PTPRS: variants seen among roughly 807,000 people sequenced by gnomAD.
PTPRS encodes the protein protein tyrosine phosphatase receptor type S, also known as receptor-type tyrosine-protein phosphatase S.
In PTPRS, 63 loss-of-function variants were observed where a neutral mutation model predicts 215.3. The observed-to-expected ratio is 0.29, with a 90% CI of 0.24 to 0.36. The LOEUF is 0.36. PTPRS is among the 10% of genes least tolerant of loss of function. The pLI is 1.00. For synonymous variants in PTPRS, 1,404 were observed against 1,191.4 expected, an observed-to-expected ratio of 1.18 and a Z score of -3.68; for missense variants, 2,258 against 2,825.8, an observed-to-expected ratio of 0.80 and a Z score of 4.56.
At chr19:5,300,910 A>T (rs1192210922) in intron 1 of PTPRS, among the ~76,000 whole-genome samples, 1 of 152,228 alleles carries the variant, frequency 6.6e-6, no homozygotes, top group Admixed American at 6.5e-5. Flanking sequence ...GGTGCTGGCC[A>T]ATAGCACAGA....
Position 5,281,418 on chromosome 19 carries a change from G to A in PTPRS, c.91+4632C>T, listed in dbSNP as rs544285839. Among the ~76,000 whole-genome samples, 9 of 152,222 alleles carry A rather than the reference G, an allele frequency of 5.9e-5. No homozygotes were observed. In the East Asian group the frequency reaches 1.4e-3, roughly 23 times the overall value. ...AGAGGTTGCAGTGAGCTGAGATCAC[G>A]CCATTGCACTCCAGCCTGGGGGACA... On this transcript the variant is annotated intron_variant, in intron 2 of 37. Transcript: ENST00000262963.
chr19:5,207,877 C>A, intron 37 of PTPRS, 45 bp downstream of exon 37: 1 of 1,601,942 alleles, frequency 6.2e-7, no homozygotes, highest in Non-Finnish European at 8.5e-7. Context: ...TAGGGGCAGT[C>A]GGGGCGTGAG....
rs1470675122 is a variant in PTPRS, at chr19:5,293,729, CCT to C, written c.-94-7497_-94-7496del. On this transcript the variant is annotated intron_variant, in intron 1 of 37. Coordinates refer to ENST00000262963, the MANE Select transcript of PTPRS (RefSeq NM_002850.4). This position sits in a 1 kb window ranked among gnomAD's most constrained non-coding sequence, Gnocchi z 8.4. ...GGGGCGGGGGGCGTCCCCTCTTCCC[CCT>C]CTTAGACCAGAGGGTAGGGGAGAGG... Among the ~76,000 whole-genome samples the C allele has an allele frequency of 2.0e-5, 3 of 152,112 alleles. No individual in the cohort carries two copies. Among genetic ancestry groups the C allele is most frequent in the African/African-American group, 7.2e-5 (3 of 41,430 alleles).
intron 35 of PTPRS, among the ~76,000 whole-genome samples, chr19:5,209,331 T>C (rs2040650280): frequency 6.6e-6 from 1 of 152,060 alleles, no homozygotes; most frequent in African/African-American, 2.4e-5. Flanking sequence ...CATCCATCAC[T>C]AACAATTCAT....
intron 9 of PTPRS, among the ~76,000 whole-genome samples, chr19:5,252,448 G>A (rs1272159872): frequency 6.6e-6 from 1 of 151,840 alleles, no homozygotes; most frequent in African/African-American, 2.4e-5. Flanking sequence ...GTGGTGCCAG[G>A]TGCCTGTAAT....
Position 5,246,002 on chromosome 19 carries a change from G to C in PTPRS, c.762C>G (p.His254Gln). Residue 254 changes from histidine (H) to glutamine (Q), a missense_variant, in exon 10 of 38, where the codon CAC (histidine) becomes CAG (glutamine). Transcript: ENST00000262963. Reference sequence around the variant, plus strand: ...TCACGTTGCCCCCTGGCATGATCTCGTGGCTCATGGGCAGGATGGAGAAGC... The same window carrying C: ...TCACGTTGCCCCCTGGCATGATCTCCTGGCTCATGGGCAGGATGGAGAAGC... ...APRFSILPMS[H>Q]EIMPGGNVNI... is the part of the protein sequence containing the mutation. 2 of 1,582,958 alleles carry C rather than the reference G, an allele frequency of 1.3e-6. No homozygotes were observed. The highest frequency in any genetic ancestry group is 2.3e-5 in the South Asian group (2 of 87,624).
chr19:5,239,414 CAG>C (rs1294186991), intron 12 of PTPRS, among the ~76,000 whole-genome samples: 2 of 145,888 alleles, frequency 1.4e-5, no homozygotes, highest in Admixed American at 6.8e-5. Context: ...GAGATAGAGA[CAG>C]AGAAACAAAG....
rs1470467138 is a variant in PTPRS, at chr19:5,293,529, G to T, written c.-94-7295C>A. Among the ~76,000 whole-genome samples, 1 of 152,176 alleles carries T rather than the reference G, an allele frequency of 6.6e-6. No homozygotes were observed. The highest frequency in any genetic ancestry group is 2.4e-5 in the African/African-American group (1 of 41,450). ...CTCCCTCCCGAAGACGTCTCACGGG[G>T]AGCCTCTACACTGCTCCTCGCTTCC... On this transcript the variant is annotated intron_variant, in intron 1 of 37. Coordinates refer to ENST00000262963, the MANE Select transcript of PTPRS (RefSeq NM_002850.4). The surrounding 1 kb of genome is among the most constrained non-coding windows in gnomAD (Gnocchi z 8.4).
At chr19:5,224,773 A>G (rs1366044118) in intron 17 of PTPRS, among the ~76,000 whole-genome samples, 1 of 152,190 alleles carries the variant, frequency 6.6e-6, no homozygotes, top group African/African-American at 2.4e-5. Context: ...TGCTTGGAGG[A>G]GGTGGCGTTA....
intron 14 of PTPRS, among the ~76,000 whole-genome samples, chr19:5,230,963 T>C (rs948639641): frequency 6.6e-6 from 1 of 152,178 alleles, no homozygotes; most frequent in Non-Finnish European, 1.5e-5. Context: ...CCCGGGGAGC[T>C]GGTTAACCAT....
At chr19:5,281,772 G>C (rs573014204) in intron 2 of PTPRS, among the ~76,000 whole-genome samples, 1 of 152,166 alleles carries the variant, frequency 6.6e-6, no homozygotes, top group East Asian at 1.9e-4. Context: ...GGCAGAAGCT[G>C]GCTGAGGGTA....
chr19:5,244,144 T>C lies in PTPRS; in HGVS notation c.1327A>G (p.Met443Val). 1 of 1,603,236 alleles carries C rather than the reference T, an allele frequency of 6.2e-7. No homozygotes were observed. Among genetic ancestry groups the C allele is most frequent in the Non-Finnish European group, 8.5e-7 (1 of 1,175,286 alleles). The stretch of plus-strand genomic sequence containing the variant: ...ACCGGCTCCTCCCACTGCACAATCA[T>C]GGTGGTCGCGCTGAGCATCCGGGCT... ...VQARMLSATT[M>V]IVQWEEPVEP... The change falls in exon 11 of 38, where the codon ATG becomes GTG. Residue 443 changes from methionine to valine, a missense_variant. By Grantham distance (21) the Met-to-Val change is conservative. This residue lies in a region of PTPRS where 508 missense variants were observed against 799.4 expected (regional missense o/e 0.64). Coordinates refer to ENST00000262963, the MANE Select transcript of PTPRS (RefSeq NM_002850.4). This position sits in a 1 kb window ranked among gnomAD's most constrained non-coding sequence, Gnocchi z 7.2.
chr19:5,303,823 C>T (rs931360723), intron 1 of PTPRS, among the ~76,000 whole-genome samples: 51 of 151,484 alleles, frequency 3.4e-4, no homozygotes, highest in Non-Finnish European at 3.1e-4. Context: ...TGGTGGTATG[C>T]GCCTGTAATC....
At chr19:5,230,522 G>A (rs1377637321) in intron 14 of PTPRS, among the ~76,000 whole-genome samples, 1 of 152,220 alleles carries the variant, frequency 6.6e-6, no homozygotes, top group African/African-American at 2.4e-5. Context: ...GCAGGGGTAT[G>A]ATCACAGCTC....
intron 19 of PTPRS, among the ~76,000 whole-genome samples, chr19:5,221,665 C>G (rs755540023): frequency 3.3e-5 from 5 of 152,136 alleles, no homozygotes; most frequent in African/African-American, 1.2e-4. Flanking sequence ...TGATCTCAGA[C>G]TGAACCTCAA....
intron 1 of PTPRS, among the ~76,000 whole-genome samples, chr19:5,307,483 T>C (rs568265243): frequency 3.3e-5 from 5 of 152,244 alleles, no homozygotes; most frequent in African/African-American, 1.2e-4. Flanking sequence ...TGTACAATTA[T>C]AAAATTACTT....
intron 1 of PTPRS, among the ~76,000 whole-genome samples, chr19:5,324,886 G>A (rs1177039439): frequency 6.6e-6 from 1 of 152,160 alleles, no homozygotes; most frequent in African/African-American, 2.4e-5. Flanking sequence ...GGGGTCTCTG[G>A]AGCACAGGGG....
intron 1 of PTPRS, among the ~76,000 whole-genome samples, chr19:5,322,916 G>GAAGAAGAAGAAGAAGAAGAA (rs2050070668): frequency 2.1e-5 from 3 of 141,232 alleles, no homozygotes; most frequent in Admixed American, 7.2e-5. Context: ...AGAAGAAGAA[G>GAAGAAGAAGAAGAAGAAGAA]AAAAAGAAAA....
At chr19:5,220,901 G>A (rs1206825203) in intron 20 of PTPRS, 99 bp downstream of exon 20, 17 of 1,395,186 alleles carry the variant, frequency 1.2e-5, no homozygotes, top group Non-Finnish European at 1.5e-5. Context: ...TGTTTCATAG[G>A]CAAGGAAATT....
Sources: gnomAD v4.1 joint callset for allele counts (sites outside exome capture counted in the v4.1 genomes callset) on GRCh38, gnomAD v4.1.1 for gene constraint, gnomAD v4.1.1 regional missense constraint, Gnocchi (gnomAD v3.1) non-coding constraint, MANE v1.5 for transcripts, NCBI Gene and HGNC (gene_info 2026-07-23, HGNC 2026-07-21) for gene names.